The following DEUP1 variants were observed in gnomAD, a reference collection of about 807,000 sequenced individuals.
DEUP1 encodes the protein deuterosome assembly protein 1, also known as coiled-coil domain containing 67.
DEUP1 carries 82 observed loss-of-function variants against 87.4 expected under a neutral mutation model. That is an observed-to-expected ratio of 0.94 (90% confidence interval 0.78 to 1.13). DEUP1 has a LOEUF of 1.13. Among genes scored for constraint, DEUP1 ranks in the 50% most tolerant of loss-of-function variants. The pLI is 0.00. For synonymous variants in DEUP1, 214 were observed against 222.7 expected, an observed-to-expected ratio of 0.96 and a Z score of 0.35; for missense variants, 663 against 681.5, an observed-to-expected ratio of 0.97 and a Z score of 0.30.
intron 12 of DEUP1, among the ~76,000 whole-genome samples, chr11:93,413,387 G>A (rs1591248777): frequency 1.3e-5 from 2 of 152,046 alleles, no homozygotes; most frequent in East Asian, 3.9e-4. Context: ...GACTACAGGC[G>A]CCCGCCATCA....
chr11:93,343,069 G>A (rs889741567), intron 2 of DEUP1, among the ~76,000 whole-genome samples: 1 of 152,200 alleles, frequency 6.6e-6, no homozygotes, highest in East Asian at 1.9e-4. Context: ...GGACATAGAA[G>A]TCTTCAACTC....
rs191996045 is a variant in DEUP1, at chr11:93,398,813, C to G, written c.1326+2488C>G. 7.5e-3 allele frequency among the ~76,000 whole-genome samples: 1,140 copies of G among 151,716 alleles called. 16 individuals carry two copies. The highest frequency in any genetic ancestry group is 0.027 in the African/African-American group (1,099 of 41,330). On this transcript the variant is annotated intron_variant, in intron 11 of 13. Coordinates refer to ENST00000298050, the MANE Select transcript of DEUP1 (RefSeq NM_181645.4). ...TTGGCTCACTGCAGCCTCCACCTCC[C>G]GGGTTCAAGCAATTCTCCTGCCTCA... is the stretch of plus-strand genomic sequence containing the variant.
chr11:93,342,891 G>C (rs776970958), intron 2 of DEUP1, among the ~76,000 whole-genome samples: 2 of 152,144 alleles, frequency 1.3e-5, no homozygotes, highest in African/African-American at 4.8e-5. Flanking sequence ...GGATCATGAG[G>C]GGTTTTTATC....
Position 93,371,094 on chromosome 11 carries a change from C to T in DEUP1, c.603C>T (p.Asp201=). The T allele has an allele frequency of 7.4e-6, 12 of 1,612,308 alleles. No homozygotes were observed. The highest frequency in any genetic ancestry group is 1.0e-5 in the Non-Finnish European group (12 of 1,178,884). The change falls in exon 7 of 14, where the codon GAC becomes GAT. Residue 201 remains aspartate (D), a synonymous_variant. Transcript: ENST00000298050. Reference sequence around the variant, plus strand: ...ATGGTAAAAAACAGTGCTTAGAAGACAGCAGCTCTGAAATTCCTCGTTTGA... The same window carrying T: ...ATGGTAAAAAACAGTGCTTAGAAGATAGCAGCTCTGAAATTCCTCGTTTGA... ...QLNGKKQCLE[D]SSSEIPRLIC...
chr11:93,431,801 T>A (rs1049688530), intron 13 of DEUP1, among the ~76,000 whole-genome samples: 1 of 151,966 alleles, frequency 6.6e-6, no homozygotes, highest in African/African-American at 2.4e-5. Flanking sequence ...TTATGGGAAG[T>A]GGGAGAAAAG....
intron 2 of DEUP1, among the ~76,000 whole-genome samples, chr11:93,353,972 G>A (rs1944762667): frequency 6.6e-6 from 1 of 152,186 alleles, no homozygotes; most frequent in Admixed American, 6.5e-5. Flanking sequence ...TGCTACTTAT[G>A]CAAATTTCTG....
chr11:93,385,481 G>A lies in DEUP1; in HGVS notation c.873G>A (p.Leu291=). 1 of 1,611,570 alleles carries A rather than the reference G, an allele frequency of 6.2e-7. No homozygotes were observed. Among genetic ancestry groups the A allele is most frequent in the Non-Finnish European group, 8.5e-7 (1 of 1,178,532 alleles). The change falls in exon 8 of 14, where the codon TTG becomes TTA. Residue 291 remains leucine (L), a synonymous_variant. Coordinates refer to ENST00000298050, the MANE Select transcript of DEUP1 (RefSeq NM_181645.4). ...DLLRIIEMER[L]QLHRELLKIG... ...TGAGAATTATAGAAATGGAACGATT[G>A]CAATTACACAGAGAATTATTAAAAA...
At chr11:93,419,980 A>C (rs999787821) in intron 13 of DEUP1, among the ~76,000 whole-genome samples, 1 of 152,112 alleles carries the variant, frequency 6.6e-6, no homozygotes, top group Non-Finnish European at 1.5e-5. Flanking sequence ...AATTCTACCA[A>C]AGGTACAAGG....
At chr11:93,354,505 AC>A (rs1944783617) in intron 2 of DEUP1, among the ~76,000 whole-genome samples, 1 of 152,068 alleles carries the variant, frequency 6.6e-6, no homozygotes, top group African/African-American at 2.4e-5. Context: ...GTACCAATTT[AC>A]TGTATTAGTC....
chr11:93,435,944 C>T (rs886401021), intron 13 of DEUP1, among the ~76,000 whole-genome samples: 3 of 150,588 alleles, frequency 2.0e-5, no homozygotes, highest in Admixed American at 6.6e-5. Flanking sequence ...TGCAGTGAGC[C>T]GAGATCACGC....
At chr11:93,378,428 TAA>T (rs1946141196) in intron 7 of DEUP1, among the ~76,000 whole-genome samples, 2 of 152,096 alleles carry the variant, frequency 1.3e-5, no homozygotes, top group African/African-American at 4.8e-5. Flanking sequence ...TGAATTTCTC[TAA>T]GTGTGTCCTT....
chr11:93,394,513 A>G lies in DEUP1; in HGVS notation c.1096A>G (p.Met366Val). ...EEYHNSEQER[M>V]RNEISDLTEE... is the part of the protein sequence containing the mutation. ...GTACCATAACTCTGAGCAGGAAAGA[A>G]TGAGGAATGAAATCTCTGACCTAAC... Residue 366 changes from methionine (M) to valine (V), a missense_variant, in exon 10 of 14, where the codon ATG (methionine) becomes GTG (valine). By Grantham distance (21) the Met-to-Val change is conservative (BLOSUM62 1). Transcript: ENST00000298050. 1.9e-6 allele frequency: 3 copies of G among 1,607,700 alleles called. No individual in the cohort carries two copies. In the South Asian group the frequency reaches 3.4e-5, roughly 18 times the overall value.
At chr11:93,342,413 G>A (rs1046391755) in intron 2 of DEUP1, among the ~76,000 whole-genome samples, 5 of 152,132 alleles carry the variant, frequency 3.3e-5, no homozygotes, top group Non-Finnish European at 7.4e-5. Flanking sequence ...TTGTCACAGA[G>A]GCAGCAAAGA....
At chr11:93,368,810 A>G (rs1037054778) in intron 5 of DEUP1, among the ~76,000 whole-genome samples, 2 of 151,922 alleles carry the variant, frequency 1.3e-5, no homozygotes, top group Admixed American at 6.6e-5. Flanking sequence ...GTGGCACGTG[A>G]CTGTAATCCC....
intron 2 of DEUP1, among the ~76,000 whole-genome samples, chr11:93,338,099 T>C (rs1042236430): frequency 2.6e-5 from 4 of 152,014 alleles, no homozygotes; most frequent in African/African-American, 9.7e-5. Flanking sequence ...ATGTGATGAG[T>C]GCGTTTGTTC....
intron 12 of DEUP1, among the ~76,000 whole-genome samples, chr11:93,412,992 CACTTA>C (rs1947484874): frequency 1.3e-5 from 2 of 152,026 alleles, no homozygotes; most frequent in Non-Finnish European, 2.9e-5. Context: ...ACAGATGCCT[CACTTA>C]ACTTTTAATG....
chr11:93,411,432 T>C (rs1337726397), intron 12 of DEUP1, among the ~76,000 whole-genome samples: 2 of 152,204 alleles, frequency 1.3e-5, no homozygotes, highest in African/African-American at 4.8e-5. Flanking sequence ...ACTTATATAA[T>C]ACATTCTTAA....
chr11:93,413,693 CA>C, intron 12 of DEUP1, among the ~76,000 whole-genome samples: 1 of 152,172 alleles, frequency 6.6e-6, no homozygotes, highest in East Asian at 1.9e-4. Flanking sequence ...GTCAACAAAC[CA>C]AAATTCAAAA....
chr11:93,350,865 A>C (rs537785164), intron 2 of DEUP1, among the ~76,000 whole-genome samples: 26 of 152,004 alleles, frequency 1.7e-4, no homozygotes, highest in Admixed American at 1.3e-3. Context: ...CTGAGGCCGA[A>C]GAATCGTTTG....
Sources: allele counts gnomAD v4.1 joint callset (sites outside exome capture counted in the v4.1 genomes callset), GRCh38; gene constraint gnomAD v4.1.1; transcripts MANE v1.5; gene names NCBI Gene and HGNC (gene_info 2026-07-23, HGNC 2026-07-21).